The following MYO1B variants were observed in gnomAD, a reference collection of about 807,000 sequenced individuals.
MYO1B encodes the protein unconventional myosin-Ib.
MYO1B carries 72 observed loss-of-function variants against 159.7 expected under a neutral mutation model. That is an observed-to-expected ratio of 0.45 (90% CI 0.37 to 0.55). MYO1B has a LOEUF of 0.55. MYO1B is among the 20% of genes least tolerant of loss of function. The probability of loss-of-function intolerance (pLI) is 0.00; values close to 1 mark genes in which losing one functional copy is unlikely to be tolerated. For missense variants in MYO1B, 1,062 were observed against 1,364.8 expected, an observed-to-expected ratio of 0.78 and a Z score of 3.50; for synonymous variants, 468 against 473.8, an observed-to-expected ratio of 0.99 and a Z score of 0.16.
chr2:191,353,789 T>C lies in MYO1B; in HGVS notation c.562+3564T>C, dbSNP rs535919085. On this transcript the variant is annotated intron_variant, in intron 7 of 30. Coordinates refer to ENST00000392318, the MANE Select transcript of MYO1B (RefSeq NM_001130158.3). ...ATAGGTTGTCCTGAGGTATAAATTATGTATTAGTATCTAAAGCACTTGTAA... is the reference window on the plus strand; with the variant it reads ...ATAGGTTGTCCTGAGGTATAAATTACGTATTAGTATCTAAAGCACTTGTAA... Among the ~76,000 whole-genome samples the C allele has an allele frequency of 4.6e-5, 7 of 152,352 alleles. No homozygotes were observed. In the South Asian group the frequency reaches 1.4e-3, roughly 32 times the overall value.
intron 30 of MYO1B, among the ~76,000 whole-genome samples, chr2:191,421,551 C>T (rs1209003140): frequency 6.6e-6 from 1 of 152,092 alleles, no homozygotes; most frequent in African/African-American, 2.4e-5. Flanking sequence ...CGGCTCAATG[C>T]AGCCTCCTCT....
At chr2:191,316,381 G>A (rs1210939060) in intron 3 of MYO1B, among the ~76,000 whole-genome samples, 1 of 152,204 alleles carries the variant, frequency 6.6e-6, no homozygotes, top group Non-Finnish European at 1.5e-5. Context: ...TCTCCAGACT[G>A]GAACTGATTT....
chr2:191,284,414 C>T (rs1688243662), intron 2 of MYO1B, among the ~76,000 whole-genome samples: 1 of 152,098 alleles, frequency 6.6e-6, no homozygotes, highest in African/African-American at 2.4e-5. Flanking sequence ...CTGTTTGAAC[C>T]TTGGTGACTT....
intron 1 of MYO1B, chr2:191,246,010 GAC>G (rs1685767515): frequency 6.6e-6 from 1 of 152,318 alleles, no homozygotes. Flanking sequence ...CCCCTGGAAA[GAC>G]ACGGTGTGGC....
Position 191,353,076 on chromosome 2 carries a change from T to C in MYO1B, c.562+2851T>C, listed in dbSNP as rs573359853. Among the ~76,000 whole-genome samples, 6 of 152,330 alleles carry C rather than the reference T, an allele frequency of 3.9e-5. No homozygotes were observed. The East Asian group carries it at 1.2e-3, about 29-fold the overall frequency. On this transcript the variant is annotated intron_variant, in intron 7 of 30. Coordinates refer to ENST00000392318, the MANE Select transcript of MYO1B (RefSeq NM_001130158.3). Reference sequence around the variant, plus strand: ...AAAGCCCGGTAACTCCTCTCTCTTTTTCTAAAAGAGACAAATTAAGTCTGG... The same window carrying C: ...AAAGCCCGGTAACTCCTCTCTCTTTCTCTAAAAGAGACAAATTAAGTCTGG...
intron 2 of MYO1B, among the ~76,000 whole-genome samples, chr2:191,294,927 T>C (rs954550352): frequency 6.6e-6 from 1 of 152,176 alleles, no homozygotes. Context: ...TTTTCTATTC[T>C]GTTTAATTTT....
chr2:191,395,892 A>C (rs1389597288), intron 20 of MYO1B, among the ~76,000 whole-genome samples: 1 of 152,268 alleles, frequency 6.6e-6, no homozygotes, highest in Non-Finnish European at 1.5e-5. Flanking sequence ...TCCTATTAAA[A>C]GGCTTTATGC....
intron 15 of MYO1B, among the ~76,000 whole-genome samples, chr2:191,384,995 G>A (rs2126083773): frequency 6.6e-6 from 1 of 152,342 alleles, no homozygotes; most frequent in African/African-American, 2.4e-5. Context: ...GTCAGAGGAT[G>A]TCGTGGCCTT....
intron 15 of MYO1B, 79 bp downstream of exon 15, chr2:191,383,421 G>T: frequency 4.7e-6 from 2 of 428,980 alleles, no homozygotes; most frequent in East Asian, 5.6e-5. Context: ...GTGCCTCAAT[G>T]TTAAGCATTA....
chr2:191,257,749 G>T (rs1686543952), intron 1 of MYO1B, among the ~76,000 whole-genome samples: 1 of 152,202 alleles, frequency 6.6e-6, no homozygotes, highest in African/African-American at 2.4e-5. Flanking sequence ...CTGAAGAGCT[G>T]TTTACATGAG....
chr2:191,344,640 C>A (rs941679575), intron 5 of MYO1B, among the ~76,000 whole-genome samples: 3 of 151,744 alleles, frequency 2.0e-5, no homozygotes, highest in Non-Finnish European at 4.4e-5. Flanking sequence ...ACCATCCCGG[C>A]TAAAACGGTG....
chr2:191,364,522 GGT>G (rs59919387), intron 11 of MYO1B, among the ~76,000 whole-genome samples: 81,448 of 151,830 alleles, frequency 0.54, 22,541 homozygotes, highest in African/African-American at 0.68. Context: ...ACTAGCCCGT[GGT>G]GTATGATCAG....
At chr2:191,289,482 T>C (rs2054089) in intron 2 of MYO1B, among the ~76,000 whole-genome samples, 151,614 of 152,312 alleles carry the variant, frequency 1, 75,461 homozygotes, top group East Asian at 1. Flanking sequence ...AAGGTGTGTA[T>C]GTGTATATTC....
chr2:191,295,756 A>T (rs1053253458), intron 2 of MYO1B, among the ~76,000 whole-genome samples: 5 of 152,200 alleles, frequency 3.3e-5, no homozygotes, highest in Non-Finnish European at 7.3e-5. Context: ...CTCTATCTAG[A>T]ATCAGGGAGA....
At chr2:191,371,113 T>C (rs1266209432) in intron 13 of MYO1B, 1 of 152,232 alleles carries the variant, frequency 6.6e-6, no homozygotes, top group African/African-American at 2.4e-5. Context: ...TTAAAACATT[T>C]ATTCTCACTT....
chr2:191,365,443 G>A (rs1282670633), intron 11 of MYO1B, among the ~76,000 whole-genome samples: 1 of 152,182 alleles, frequency 6.6e-6, no homozygotes, highest in African/African-American at 2.4e-5. Flanking sequence ...TTTTGGCTGT[G>A]GCAAATACCA....
At chr2:191,297,754 C>T (rs775427952) in intron 3 of MYO1B, among the ~76,000 whole-genome samples, 7 of 152,034 alleles carry the variant, frequency 4.6e-5, no homozygotes, top group Non-Finnish European at 8.8e-5. Context: ...GTCTTTTTAC[C>T]GAAAGCAGTA....
At chr2:191,414,273 C>A in intron 28 of MYO1B, 93 bp downstream of exon 28, 1 of 1,463,572 alleles carries the variant, frequency 6.8e-7, no homozygotes, top group South Asian at 1.4e-5. Flanking sequence ...ATTTCATGTT[C>A]TCAGTAGAGT....
chr2:191,413,245 T>C (rs1271351787), intron 27 of MYO1B, among the ~76,000 whole-genome samples: 1 of 152,244 alleles, frequency 6.6e-6, no homozygotes, highest in Non-Finnish European at 1.5e-5. Context: ...CCTAACCTAC[T>C]GAACACAATC....
Sources: gnomAD v4.1 joint callset for allele counts (sites outside exome capture counted in the v4.1 genomes callset) on GRCh38, gnomAD v4.1.1 for gene constraint, MANE v1.5 for transcripts, NCBI Gene and HGNC (gene_info 2026-07-23, HGNC 2026-07-21) for gene names.